ZNF462: variants seen among roughly 807,000 people sequenced by gnomAD.
ZNF462 encodes zinc finger protein 462.
In ZNF462, 10 loss-of-function variants were observed where a neutral mutation model predicts 201.9. That is an observed-to-expected ratio of 0.05 (90% CI 0.03 to 0.08). ZNF462 has a LOEUF of 0.08. ZNF462 is among the 10% of genes least tolerant of loss of function. ZNF462 has a pLI of 1.00. For synonymous variants in ZNF462, 1,227 were observed against 1,193.3 expected, an observed-to-expected ratio of 1.03 and a Z score of -0.58; for missense variants, 2,523 against 3,168.3, an observed-to-expected ratio of 0.80 and a Z score of 4.89.
intron 1 of ZNF462, among the ~76,000 whole-genome samples, chr9:106,893,301 A>G (rs1380278527): frequency 6.6e-6 from 1 of 152,162 alleles, no homozygotes; most frequent in African/African-American, 2.4e-5. Context: ...TGACTCACCC[A>G]CAAATGACAA....
chr9:106,979,914 G>C (rs1420714294), intron 9 of ZNF462, among the ~76,000 whole-genome samples: 1 of 152,122 alleles, frequency 6.6e-6, no homozygotes. Flanking sequence ...TAAAGTTTCT[G>C]TTTCCCAATA....
upstream of ZNF462, among the ~76,000 whole-genome samples, chr9:106,860,300 C>G (rs1047205214): frequency 2.6e-5 from 4 of 152,196 alleles, no homozygotes; most frequent in Non-Finnish European, 5.9e-5. The surrounding 1 kb of genome is among the most constrained non-coding windows in gnomAD (Gnocchi z 7.1). Flanking sequence ...GCCGCTTCCC[C>G]GGTCTTTGCC....
rs1829808812 is a variant in ZNF462 at position 106,917,173 on chromosome 9, ACTT to A, written c.-30-6177_-30-6175del. Among the ~76,000 whole-genome samples, 1 of 152,206 alleles carries A rather than the reference ACTT, an allele frequency of 6.6e-6. No homozygotes were observed. Among genetic ancestry groups the A allele is most frequent in the African/African-American group, 2.4e-5 (1 of 41,440 alleles). Reference sequence around the variant, plus strand: ...CATAACAGGTCACTCAGCCGGAATGACTTCTTATTTACATATCCAACATTTTTA... The same window carrying A: ...CATAACAGGTCACTCAGCCGGAATGACTTATTTACATATCCAACATTTTTA... On this transcript the variant is annotated intron_variant, in intron 1 of 12. Transcript: ENST00000277225. This position sits in a 1 kb window ranked among gnomAD's most constrained non-coding sequence, Gnocchi z 4.5.
intron 1 of ZNF462, among the ~76,000 whole-genome samples, chr9:106,893,158 C>T (rs767168380): frequency 6.6e-6 from 1 of 152,176 alleles, no homozygotes; most frequent in Admixed American, 6.6e-5. Flanking sequence ...CTTCACAACA[C>T]GATGCCAAGA....
intron 10 of ZNF462, among the ~76,000 whole-genome samples, chr9:106,989,103 C>A (rs1357314388): frequency 6.6e-6 from 1 of 152,118 alleles, no homozygotes; most frequent in Non-Finnish European, 1.5e-5. Context: ...AGTGGGCATC[C>A]TTGTCTTGTT....
At chr9:106,868,508 A>G (rs1827444441) in intron 1 of ZNF462, among the ~76,000 whole-genome samples, 1 of 152,314 alleles carries the variant, frequency 6.6e-6, no homozygotes, top group Non-Finnish European at 1.5e-5. Flanking sequence ...AATTACCAAA[A>G]TTATTTTAAA....
chr9:106,971,424 A>G (rs548517208), intron 7 of ZNF462, among the ~76,000 whole-genome samples: 2 of 151,944 alleles, frequency 1.3e-5, no homozygotes, highest in East Asian at 3.8e-4. Context: ...TTCTTCCTAC[A>G]CTTTGAAACC....
chr9:106,908,395 C>T (rs2131265471), intron 1 of ZNF462, among the ~76,000 whole-genome samples: 2 of 152,170 alleles, frequency 1.3e-5, no homozygotes, highest in East Asian at 3.9e-4. Flanking sequence ...TGTACTTTTA[C>T]ATTATTAAGT....
At chr9:106,915,708 A>G (rs146911468) in intron 1 of ZNF462, among the ~76,000 whole-genome samples, 1 of 152,212 alleles carries the variant, frequency 6.6e-6, no homozygotes, top group Admixed American at 6.5e-5. Flanking sequence ...ACAAAAAATC[A>G]CAGTCCCCTT....
Position 106,966,914 on chromosome 9 carries a change from C to G in ZNF462, c.6428-5091C>G, listed in dbSNP as rs1412577282. Among the ~76,000 whole-genome samples, 2 of 152,086 alleles carry G rather than the reference C, an allele frequency of 1.3e-5. No homozygotes were observed. The highest frequency in any genetic ancestry group is 2.9e-5 in the Non-Finnish European group (2 of 68,000). On this transcript the variant is annotated intron_variant, in intron 7 of 12. Coordinates refer to ENST00000277225, the MANE Select transcript of ZNF462 (RefSeq NM_021224.6). The surrounding 1 kb of genome is among the most constrained non-coding windows in gnomAD (Gnocchi z 4.4). ...TCGCTGGCACCAAGGTACTTCTGTT[C>G]CCTTTCACCTTCACTCATATTCTCT...
At chr9:106,971,474 C>T (rs1285395611) in intron 7 of ZNF462, among the ~76,000 whole-genome samples, 1 of 151,230 alleles carries the variant, frequency 6.6e-6, no homozygotes, top group Non-Finnish European at 1.5e-5. Flanking sequence ...CATGAGCCCT[C>T]AAAGTCAGAT....
At chr9:106,969,231 G>GA (rs1268245045) in intron 7 of ZNF462, among the ~76,000 whole-genome samples, 8 of 150,692 alleles carry the variant, frequency 5.3e-5, no homozygotes, top group Non-Finnish European at 7.4e-5. Context: ...TAACCAGGAG[G>GA]AAAAAAAAAA....
Position 106,977,707 on chromosome 9 carries a change from G to A in ZNF462, c.6832+3434G>A, listed in dbSNP as rs1271146262. On this transcript the variant is annotated intron_variant, in intron 9 of 12. Coordinates refer to ENST00000277225, the MANE Select transcript of ZNF462 (RefSeq NM_021224.6). The surrounding 1 kb of genome is among the most constrained non-coding windows in gnomAD (Gnocchi z 4.6). ...GTATAGACAAGACAGTGAGTGATGGGTATCTAGGTATATTTCTGTTTGTAG... is the reference window on the plus strand; with the variant it reads ...GTATAGACAAGACAGTGAGTGATGGATATCTAGGTATATTTCTGTTTGTAG... Among the ~76,000 whole-genome samples the A allele has an allele frequency of 6.6e-6, 1 of 151,442 alleles. No individual in the cohort carries two copies. Among genetic ancestry groups the A allele is most frequent in the Non-Finnish European group, 1.5e-5 (1 of 68,014 alleles).
chr9:106,880,486 C>T lies in ZNF462; in HGVS notation c.-31+17131C>T, dbSNP rs151106730. On this transcript the variant is annotated intron_variant, in intron 1 of 12. Coordinates refer to ENST00000277225, the MANE Select transcript of ZNF462 (RefSeq NM_021224.6). The surrounding 1 kb of genome is among the most constrained non-coding windows in gnomAD (Gnocchi z 4.1). ...AGAAGTCCAAGGCTCCATTTCATCCCGTGTAAAACACTCATCTAAAATTAG... is the reference window on the plus strand; with the variant it reads ...AGAAGTCCAAGGCTCCATTTCATCCTGTGTAAAACACTCATCTAAAATTAG... Among the ~76,000 whole-genome samples the T allele has an allele frequency of 2.1e-4, 32 of 152,292 alleles. No homozygotes were observed. The East Asian group carries it at 4.4e-3, about 21-fold the overall frequency.
Position 106,935,422 on chromosome 9 carries a change from C to T in ZNF462, c.6117-81C>T. On this transcript the variant is annotated intron_variant, in intron 5 of 12. Transcript: ENST00000277225. This position sits in a 1 kb window ranked among gnomAD's most constrained non-coding sequence, Gnocchi z 4.1. Reference sequence around the variant, plus strand: ...CTTTGAACGACCTAGAAGTAGGATTCCTGGAAAAAAAGCAATGAGCAAATC... The same window carrying T: ...CTTTGAACGACCTAGAAGTAGGATTTCTGGAAAAAAAGCAATGAGCAAATC... The T allele has an allele frequency of 8.1e-7, 1 of 1,239,144 alleles. No homozygotes were observed. The highest frequency in any genetic ancestry group is 1.2e-6 in the Non-Finnish European group (1 of 850,686). The allele number at this position is 1,239,144 out of a possible 1,614,324, so 76.8% of individuals were successfully genotyped here.
chr9:106,953,766 C>T (rs1306077944), intron 7 of ZNF462, among the ~76,000 whole-genome samples: 1 of 152,150 alleles, frequency 6.6e-6, no homozygotes, highest in East Asian at 1.9e-4. Flanking sequence ...TCCCTACCTT[C>T]TCCACCTGCG....
At chr9:106,899,819 C>CT (rs970361965) in intron 1 of ZNF462, among the ~76,000 whole-genome samples, 14 of 150,580 alleles carry the variant, frequency 9.3e-5, no homozygotes, top group African/African-American at 1.2e-4. Flanking sequence ...TGTGGCTTTT[C>CT]TTTTTTTTTA....
chr9:106,953,487 TC>T (rs1288613353), intron 7 of ZNF462, among the ~76,000 whole-genome samples: 5 of 152,150 alleles, frequency 3.3e-5, no homozygotes, highest in African/African-American at 1.2e-4. Flanking sequence ...CTGCTGACCT[TC>T]CTCCTGGGGA....
In ZNF462 at chr9:106,919,449, G is replaced by A. The variant is rs1243873806; in HGVS notation, c.-30-3905G>A. ...GCAGGTGGTATAAATTAAAATTGGT[G>A]TTCTTAAGATTGAAAATGAGCAGGC... On this transcript the variant is annotated intron_variant, in intron 1 of 12. Coordinates refer to ENST00000277225, the MANE Select transcript of ZNF462 (RefSeq NM_021224.6). The surrounding 1 kb of genome is among the most constrained non-coding windows in gnomAD (Gnocchi z 4.5). Among the ~76,000 whole-genome samples the A allele has an allele frequency of 2.0e-5, 3 of 152,144 alleles. No individual in the cohort carries two copies. The highest frequency in any genetic ancestry group is 7.2e-5 in the African/African-American group (3 of 41,432).
Sources: gnomAD v4.1 joint callset for allele counts (sites outside exome capture counted in the v4.1 genomes callset) on GRCh38, gnomAD v4.1.1 for gene constraint, Gnocchi (gnomAD v3.1) non-coding constraint, MANE v1.5 for transcripts, NCBI Gene and HGNC (gene_info 2026-07-23, HGNC 2026-07-21) for gene names.